The following MMP26 variants were observed in gnomAD, a reference collection of about 807,000 sequenced individuals.
The protein encoded by MMP26 is matrix metallopeptidase 26, also known as matrix metalloproteinase-26.
A neutral mutation model predicts 31.0 loss-of-function variants in MMP26; 33 were observed. The observed-to-expected ratio is 1.06, with a 90% CI of 0.81 to 1.42. The LOEUF (loss-of-function observed/expected upper bound fraction) is 1.42. Ranked by LOEUF, MMP26 falls within the 40% of genes most tolerant of loss-of-function variation. The pLI is 0.00. For missense variants in MMP26, 347 were observed against 316.1 expected (o/e 1.10, Z -0.74); for synonymous variants, 122 against 114.9 (o/e 1.06, Z -0.40).
At chr11:4,803,607 G>C in intron 2 of MMP26, 2 of 1,613,978 alleles carry the variant, frequency 1.2e-6, no homozygotes, top group South Asian at 1.1e-5. Flanking sequence ...AAGAAAAAAG[G>C]GCTGGGATAT....
At chr11:4,812,584 C>G (rs998678417) in intron 2 of MMP26, among the ~76,000 whole-genome samples, 2 of 152,136 alleles carry the variant, frequency 1.3e-5, no homozygotes, top group Non-Finnish European at 2.9e-5. Flanking sequence ...ATTAGGCTAC[C>G]GAATCCAGTA....
At chr11:4,898,831 C>CTCTGTG (rs1209504498) in intron 2 of MMP26, among the ~76,000 whole-genome samples, 23 of 94,252 alleles carry the variant, frequency 2.4e-4, no homozygotes, top group African/African-American at 6.6e-4. Flanking sequence ...CTCTCTCTCT[C>CTCTGTG]TGTGTGTGTG....
intron 2 of MMP26, among the ~76,000 whole-genome samples, chr11:4,962,960 G>C (rs1846541874): frequency 6.6e-6 from 1 of 152,158 alleles, no homozygotes; most frequent in African/African-American, 2.4e-5. Flanking sequence ...GAGTTTTGCT[G>C]CTGTGTAAAT....
At chr11:4,988,370 T>C in intron 3 of MMP26, 60 bp downstream of exon 3, 1 of 1,230,830 alleles carries the variant, frequency 8.1e-7, no homozygotes, top group South Asian at 1.2e-5. Flanking sequence ...TCTTATTTCG[T>C]GTGTGTGTGT....
intron 2 of MMP26, among the ~76,000 whole-genome samples, chr11:4,816,661 G>A (rs1783551082): frequency 6.7e-6 from 1 of 148,890 alleles, no homozygotes; most frequent in South Asian, 2.1e-4. Context: ...AGTATGAAAG[G>A]AAATAATTGA....
intron 2 of MMP26, among the ~76,000 whole-genome samples, chr11:4,785,300 C>T (rs1401156126): frequency 6.6e-6 from 1 of 152,164 alleles, no homozygotes; most frequent in Admixed American, 6.5e-5. Context: ...CTTAAGTACT[C>T]CATGTCTCAT....
At chr11:4,765,932 G>A (rs1185315785) in intron 1 of MMP26, among the ~76,000 whole-genome samples, 1 of 152,108 alleles carries the variant, frequency 6.6e-6, no homozygotes, top group Admixed American at 6.5e-5. Flanking sequence ...TATGCTGAAT[G>A]TTGTCCAACA....
chr11:4,848,197 T>C (rs1321423560), intron 2 of MMP26: 1 of 1,545,844 alleles, frequency 6.5e-7, no homozygotes, highest in Non-Finnish European at 8.7e-7. Context: ...AACTTTAGTA[T>C]CAGGAGCCCT....
chr11:4,852,893 A>T (rs903789358), intron 2 of MMP26, among the ~76,000 whole-genome samples: 1 of 152,210 alleles, frequency 6.6e-6, no homozygotes, highest in Non-Finnish European at 1.5e-5. Context: ...ACAACCTGTC[A>T]TTTGCAACAG....
chr11:4,984,395 T>G (rs1050038011), intron 2 of MMP26, among the ~76,000 whole-genome samples: 14 of 152,358 alleles, frequency 9.2e-5, no homozygotes, highest in Admixed American at 7.2e-4. Context: ...TGGCACAGCG[T>G]ATGCGCTCAA....
At chr11:4,746,303 T>A (rs975621762) in intron 1 of MMP26, among the ~76,000 whole-genome samples, 4 of 152,244 alleles carry the variant, frequency 2.6e-5, no homozygotes, top group Non-Finnish European at 4.4e-5. Flanking sequence ...AATTACTGGT[T>A]AAAGTTCTTG....
intron 2 of MMP26, chr11:4,882,751 C>CT (rs1850494351): frequency 1.2e-6 from 2 of 1,613,936 alleles, no homozygotes; most frequent in South Asian, 2.2e-5. Flanking sequence ...TTTATCTGCT[C>CT]TTACCACCTG....
intron 5 of MMP26, among the ~76,000 whole-genome samples, chr11:4,991,008 C>T (rs990160979): frequency 2.6e-5 from 4 of 152,074 alleles, no homozygotes; most frequent in African/African-American, 7.2e-5. Context: ...TGCATAGCTC[C>T]GAAATCTATT....
intron 2 of MMP26, among the ~76,000 whole-genome samples, chr11:4,823,846 A>G (rs145824671): frequency 2.6e-5 from 4 of 152,168 alleles, no homozygotes; most frequent in African/African-American, 9.7e-5. Context: ...CCGAAAAATT[A>G]TTGGGCTGAC....
intron 2 of MMP26, chr11:4,859,770 G>T (rs1850116039): frequency 2.1e-6 from 1 of 471,206 alleles, no homozygotes; most frequent in African/African-American, 2.0e-5. Context: ...CCCAAAATCT[G>T]TGGATCATGG....
At chr11:4,956,878 A>G (rs1846451328) in intron 2 of MMP26, among the ~76,000 whole-genome samples, 1 of 152,206 alleles carries the variant, frequency 6.6e-6, no homozygotes, top group African/African-American at 2.4e-5. Flanking sequence ...AATGACCAAT[A>G]TTTCTTAGAA....
intron 2 of MMP26, among the ~76,000 whole-genome samples, chr11:4,800,972 C>G (rs567428038): frequency 6.6e-6 from 1 of 152,298 alleles, no homozygotes; most frequent in African/African-American, 2.4e-5. Context: ...TTCCTCATTT[C>G]CATCTGAGAA....
At chr11:4,819,684 TCTC>T (rs1472465666) in intron 2 of MMP26, among the ~76,000 whole-genome samples, 1 of 144,968 alleles carries the variant, frequency 6.9e-6, no homozygotes, top group Non-Finnish European at 1.5e-5. Context: ...CTCAAGAAAT[TCTC>T]CTACTTCAGC....
intron 2 of MMP26, among the ~76,000 whole-genome samples, chr11:4,904,223 A>G (rs1850847784): frequency 6.6e-6 from 1 of 152,088 alleles, no homozygotes; most frequent in African/African-American, 2.4e-5. Flanking sequence ...ACCATTGTTT[A>G]CCACATTTCA....
Sources: allele counts gnomAD v4.1 joint callset (sites outside exome capture counted in the v4.1 genomes callset), GRCh38; gene constraint gnomAD v4.1.1; transcripts MANE v1.5; gene names NCBI Gene and HGNC (gene_info 2026-07-23, HGNC 2026-07-21).